RCHY1: variants seen among roughly 807,000 people sequenced by gnomAD.
RCHY1 encodes the protein RING finger and CHY zinc finger domain-containing protein 1.
Under a neutral mutation model 41.6 loss-of-function variants are expected in RCHY1, and 21 were observed. The observed-to-expected ratio is 0.51, with a 90% CI of 0.36 to 0.73. RCHY1 has a LOEUF of 0.73. Among genes scored for constraint, RCHY1 ranks in the 30% least tolerant of loss-of-function variants. The pLI, the probability that RCHY1 is intolerant of heterozygous loss-of-function variation, is 0.00. For missense variants in RCHY1, 265 were observed against 325.3 expected, an observed-to-expected ratio of 0.81 and a Z score of 1.43; for synonymous variants, 79 against 102.9, an observed-to-expected ratio of 0.77 and a Z score of 1.41.
At chr4:75,488,189 T>C (rs997802868) in intron 8 of RCHY1, among the ~76,000 whole-genome samples, 11 of 152,012 alleles carry the variant, frequency 7.2e-5, no homozygotes, top group African/African-American at 2.7e-4. Context: ...AAATTCTTTA[T>C]GTCGGGGTAT....
Position 75,490,849 on chromosome 4 carries a change from C to T in RCHY1, c.537-148G>A, listed in dbSNP as rs558880702. ...AGATAATCTCTTAGGAACCTGGGAA[C>T]TTTCACACTATAAAACTTTTAAATT... is the stretch of plus-strand genomic sequence containing the variant. On this transcript the variant is annotated intron_variant, in intron 7 of 8. Transcript: ENST00000324439. 71 of 558,872 alleles carry T rather than the reference C, an allele frequency of 1.3e-4. No individual in the cohort carries two copies. The African/African-American group carries it at 1.4e-3, about 11-fold the overall frequency. The allele number at this position is 558,872 out of a possible 1,614,324, so 34.6% of individuals were successfully genotyped here. A position where few individuals can be genotyped will look rare whatever the true frequency, so the allele number is the denominator to read the frequency against.
In RCHY1 at chr4:75,481,662, T is replaced by C. The variant is rs1289753014; in HGVS notation, c.*876A>G. ...TGATCAAATATGATGAACAATAGAATGTACTGCTGTGAGGACAAGGACTTT... is the reference window on the plus strand; with the variant it reads ...TGATCAAATATGATGAACAATAGAACGTACTGCTGTGAGGACAAGGACTTT... On this transcript the variant is annotated 3_prime_UTR_variant, in exon 9 of 9. Transcript: ENST00000324439. 1 of 152,244 alleles carries C rather than the reference T, an allele frequency of 6.6e-6. No individual in the cohort carries two copies. The highest frequency in any genetic ancestry group is 1.5e-5 in the Non-Finnish European group (1 of 68,036). The allele number at this position is 152,244 out of a possible 1,614,324, so 9.4% of individuals were successfully genotyped here.
chr4:75,508,083 A>G (rs1457082418), intron 3 of RCHY1, among the ~76,000 whole-genome samples: 1 of 151,928 alleles, frequency 6.6e-6, no homozygotes, highest in Non-Finnish European at 1.5e-5. Context: ...AAAACAAACT[A>G]TATTTTAAAA....
rs1276727948 is a variant in RCHY1, at chr4:75,479,448, G to A, written c.*3090C>T. 6.6e-6 allele frequency: 1 copy of A among 151,872 alleles called. No individual in the cohort carries two copies. The highest frequency in any genetic ancestry group is 1.5e-5 in the Non-Finnish European group (1 of 67,912). The allele number at this position is 151,872 out of a possible 1,614,324, so 9.4% of individuals were successfully genotyped here. ...TTTTGATGCATGACCAAAATAAAAG[G>A]GAAATTTAACATGTATATCATATGA... On this transcript the variant is annotated 3_prime_UTR_variant, in exon 9 of 9. Transcript: ENST00000324439.
At position 75,481,636 on chromosome 4, in the gene RCHY1, T is replaced by A. The variant is rs2126852; in HGVS notation, c.*902A>T. On this transcript the variant is annotated 3_prime_UTR_variant, in exon 9 of 9. Transcript: ENST00000324439. ...CCTTGCATAAAGAAAAATGAGTACATTGATCAAATATGATGAACAATAGAA... is the reference window on the plus strand; with the variant it reads ...CCTTGCATAAAGAAAAATGAGTACAATGATCAAATATGATGAACAATAGAA... The A allele has an allele frequency of 1.3e-5, 2 of 151,974 alleles. No individual in the cohort carries two copies. The highest frequency in any genetic ancestry group is 4.8e-5 in the African/African-American group (2 of 41,364). 9.4% of individuals were successfully genotyped at this position (151,974 alleles called of 1,614,324 possible). A position where few individuals can be genotyped will look rare whatever the true frequency, so the allele number is the denominator to read the frequency against.
chr4:75,506,729 G>A (rs956356895), intron 3 of RCHY1, among the ~76,000 whole-genome samples: 5 of 151,576 alleles, frequency 3.3e-5, no homozygotes, highest in Non-Finnish European at 5.9e-5. Context: ...AACATTATCT[G>A]AAGAGAAACT....
intron 3 of RCHY1, among the ~76,000 whole-genome samples, chr4:75,504,076 T>TA (rs752350175): frequency 3.9e-5 from 6 of 152,256 alleles, no homozygotes; most frequent in Non-Finnish European, 5.9e-5. Flanking sequence ...GAAGTAATGA[T>TA]AAGCCAAGAC....
intron 3 of RCHY1, among the ~76,000 whole-genome samples, chr4:75,498,063 A>G (rs1723386355): frequency 6.6e-6 from 1 of 151,536 alleles, no homozygotes; most frequent in Non-Finnish European, 1.5e-5. Context: ...CAAAAGACCA[A>G]TAAAACAAAA....
chr4:75,486,212 C>G (rs1721987590), intron 8 of RCHY1, among the ~76,000 whole-genome samples: 1 of 152,052 alleles, frequency 6.6e-6, no homozygotes. Flanking sequence ...CCTTCATAGC[C>G]CTCCTGGTTG....
chr4:75,491,500 A>G (rs1225962482), intron 7 of RCHY1, 111 bp downstream of exon 7: 1 of 926,292 alleles, frequency 1.1e-6, no homozygotes, highest in Non-Finnish European at 1.7e-6. Flanking sequence ...TTCAATATAA[A>G]TATTGCCATG....
chr4:75,509,080 G>C (rs1396535423), intron 2 of RCHY1, 97 bp downstream of exon 2: 1 of 1,303,580 alleles, frequency 7.7e-7, no homozygotes, highest in African/African-American at 1.5e-5. Context: ...TATTCTAGAA[G>C]TTAAAGAAAT....
chr4:75,491,228 T>C (rs1306482246), intron 7 of RCHY1: 2 of 173,830 alleles, frequency 1.2e-5, no homozygotes, highest in Non-Finnish European at 2.4e-5. Flanking sequence ...TAATGATCAC[T>C]TCACCTACTT....
At chr4:75,484,182 C>A (rs143476896) in intron 8 of RCHY1, among the ~76,000 whole-genome samples, 295 of 152,308 alleles carry the variant, frequency 1.9e-3, no homozygotes, top group African/African-American at 6.8e-3. Flanking sequence ...CTTTCAGTGA[C>A]CGCCAGGAGC....
chr4:75,495,532 C>T (rs1723121200), intron 3 of RCHY1, among the ~76,000 whole-genome samples: 1 of 151,948 alleles, frequency 6.6e-6, no homozygotes, highest in Non-Finnish European at 1.5e-5. Context: ...CTGCATTGTA[C>T]CCTCAAGAGG....
chr4:75,482,742 G>GA, intron 8 of RCHY1, 76 bp from the exon 9 acceptor site: 2 of 985,908 alleles, frequency 2.0e-6, no homozygotes, highest in Non-Finnish European at 2.8e-6. Flanking sequence ...ATAATCCCTT[G>GA]AAAATCATAT....
Position 75,508,921 on chromosome 4 carries a change from A to C in RCHY1, c.225T>G (p.Cys75Trp), listed in dbSNP as rs1466392048. The change falls in exon 3 of 9, where the codon TGT (cysteine) becomes TGG (tryptophan). Residue 75 changes from cysteine (C) to tryptophan (W), a missense_variant. Physicochemically the swap from Cys to Trp is radical, Grantham distance 215 (BLOSUM62 -2). Transcript: ENST00000324439. ...CEKIQHAQQT[C>W]EECSTLFGEY... ...CTCCAAACAATGTGCTACATTCTTC[A>C]CAAGTCTGTTGGGCCTAAAAAAGAA... The C allele has an allele frequency of 4.4e-6, 7 of 1,602,406 alleles. No homozygotes were observed. The highest frequency in any genetic ancestry group is 6.0e-6 in the Non-Finnish European group (7 of 1,175,876).
At chr4:75,488,458 G>A (rs1195053144) in intron 8 of RCHY1, among the ~76,000 whole-genome samples, 1 of 152,112 alleles carries the variant, frequency 6.6e-6, no homozygotes, top group African/African-American at 2.4e-5. Context: ...TTAGGACTTG[G>A]ACTGGATAAC....
intron 2 of RCHY1, 34 bp from the exon 3 acceptor site, chr4:75,508,969 A>C (rs1724592376): frequency 1.4e-6 from 2 of 1,434,164 alleles, no homozygotes; most frequent in East Asian, 2.3e-5. Context: ...ACTGCAATAA[A>C]CTAAACATTT....
rs1325525078 is a variant in RCHY1 at position 75,480,206 on chromosome 4, A to G, written c.*2332T>C. 1 of 152,202 alleles carries G rather than the reference A, an allele frequency of 6.6e-6. No individual in the cohort carries two copies. The highest frequency in any genetic ancestry group is 1.5e-5 in the Non-Finnish European group (1 of 68,038). 9.4% of individuals were successfully genotyped at this position (152,202 alleles called of 1,614,324 possible). On this transcript the variant is annotated 3_prime_UTR_variant, in exon 9 of 9. Transcript: ENST00000324439. ...TTTAAGTGCATGACTAGACAGCATA[A>G]ACGAGTGATTGCATATGTACTCTGC...
Sources: allele counts gnomAD v4.1 joint callset (sites outside exome capture counted in the v4.1 genomes callset), GRCh38; gene constraint gnomAD v4.1.1; transcripts MANE v1.5; gene names NCBI Gene and HGNC (gene_info 2026-07-23, HGNC 2026-07-21).